TPH1: variants seen among roughly 807,000 people sequenced by gnomAD.
TPH1 encodes the protein tryptophan 5-hydroxylase 1.
A neutral mutation model predicts 49.5 loss-of-function variants in TPH1; 37 were observed. The ratio of observed to expected loss-of-function variants is 0.75; its 90% CI spans 0.58 to 0.98. The LOEUF (loss-of-function observed/expected upper bound fraction) is 0.98. Ranked by LOEUF, TPH1 falls within the 50% of genes least tolerant of loss-of-function variation. The probability of loss-of-function intolerance (pLI) is 0.00; values close to 1 mark genes in which losing one functional copy is unlikely to be tolerated. For missense variants in TPH1, 487 were observed against 523.6 expected (o/e 0.93, Z 0.68); for synonymous variants, 160 against 182.1 (o/e 0.88, Z 0.98).
rs58938212 is a variant in TPH1 at position 18,018,177 on chromosome 11, CA to C, written c.*2813del. 0.41 allele frequency: 60,631 copies of C among 148,116 alleles called. 12,108 individuals are homozygous for C. The highest frequency in any genetic ancestry group is 0.5 in the South Asian group (2,326 of 4,664). 9.2% of individuals were successfully genotyped at this position (148,116 alleles called of 1,614,324 possible). On this transcript the variant is annotated 3_prime_UTR_variant, in exon 11 of 11. Transcript: ENST00000682019. The stretch of plus-strand genomic sequence containing the variant: ...TGGGCAACAGAGTGAGACTCTGTCT[CA>C]AAAAAAAAAAAAAATTATAAACGAA...
At chr11:18,035,355 CTG>C (rs551837534) in intron 3 of TPH1, among the ~76,000 whole-genome samples, 372 of 148,440 alleles carry the variant, frequency 2.5e-3, no homozygotes, top group Non-Finnish European at 3.5e-3. Flanking sequence ...GCCAAATTGT[CTG>C]TCTTTCTTTT....
Position 18,019,827 on chromosome 11 carries a change from C to A in TPH1, c.*1164G>T. ...CATTTATAACAGGACTGCTTACTCC[C>A]TGTGCTACACAGCTGACTCTGCATA... On this transcript the variant is annotated 3_prime_UTR_variant, in exon 11 of 11. Coordinates refer to ENST00000682019, the MANE Select transcript of TPH1 (RefSeq NM_004179.3). The A allele has an allele frequency of 2.3e-6, 1 of 440,750 alleles. No homozygotes were observed. Among genetic ancestry groups the A allele is most frequent in the South Asian group, 1.6e-5 (1 of 61,396 alleles). 27.3% of individuals were successfully genotyped at this position (440,750 alleles called of 1,614,324 possible).
chr11:18,021,229 A>C, intron 10 of TPH1, 64 bp from the exon 11 acceptor site: 2 of 1,501,052 alleles, frequency 1.3e-6, no homozygotes, highest in Non-Finnish European at 1.9e-6. Context: ...AACTAAACAA[A>C]CAACAGAATA....
intron 4 of TPH1, among the ~76,000 whole-genome samples, chr11:18,032,690 C>T (rs1253329273): frequency 1.3e-5 from 2 of 151,270 alleles, no homozygotes; most frequent in South Asian, 4.2e-4. Context: ...GGACTACAGG[C>T]GCCCGCCACC....
intron 8 of TPH1, among the ~76,000 whole-genome samples, chr11:18,024,488 G>C (rs1393130795): frequency 6.6e-6 from 1 of 152,118 alleles, no homozygotes; most frequent in Non-Finnish European, 1.5e-5. Flanking sequence ...TTGAGTACAT[G>C]AGTTACATCA....
In TPH1 at chr11:18,020,584, T is replaced by C; in HGVS notation, c.*407A>G. On this transcript the variant is annotated 3_prime_UTR_variant, in exon 11 of 11. Coordinates refer to ENST00000682019, the MANE Select transcript of TPH1 (RefSeq NM_004179.3). ...GAAATAAGGGGATCTTAGGTAACAATATGAGTCAGCGCCATAATACTCCTC... is the reference window on the plus strand; with the variant it reads ...GAAATAAGGGGATCTTAGGTAACAACATGAGTCAGCGCCATAATACTCCTC... 1 of 179,960 alleles carries C rather than the reference T, an allele frequency of 5.6e-6. No homozygotes were observed. Among genetic ancestry groups the C allele is most frequent in the Non-Finnish European group, 1.2e-5 (1 of 84,020 alleles). The allele number at this position is 179,960 out of a possible 1,614,324, so 11.1% of individuals were successfully genotyped here. A position where few individuals can be genotyped will look rare whatever the true frequency, so the allele number is the denominator to read the frequency against.
intron 3 of TPH1, among the ~76,000 whole-genome samples, chr11:18,035,432 C>CTT (rs112992467): frequency 1.2e-3 from 153 of 131,988 alleles, no homozygotes; most frequent in African/African-American, 1.7e-3. Context: ...TCTTTCCTTT[C>CTT]TTTTTTTTTT....
intron 10 of TPH1, 78 bp from the exon 11 acceptor site, chr11:18,021,243 T>G: frequency 7.0e-7 from 1 of 1,436,066 alleles, no homozygotes; most frequent in Non-Finnish European, 9.8e-7. Flanking sequence ...CAGAATATAT[T>G]TCACATACTA....
intron 1 of TPH1, among the ~76,000 whole-genome samples, chr11:18,043,867 T>TA (rs879676856): frequency 5.0e-4 from 72 of 144,738 alleles, no homozygotes; most frequent in Middle Eastern, 3.5e-3. Context: ...CCCTGTCTCT[T>TA]AAAAAAAAAA....
intron 4 of TPH1, among the ~76,000 whole-genome samples, chr11:18,032,492 G>A (rs1848000202): frequency 6.9e-6 from 1 of 145,604 alleles, no homozygotes; most frequent in Non-Finnish European, 1.5e-5. Context: ...CAGGCAGTTA[G>A]TCTCAATTCC....
chr11:18,022,895 C>G lies in TPH1; in HGVS notation c.1063G>C (p.Asp355His), dbSNP rs1322470496. ...TCCTGTTTGCAGGTAATCTTGGGAT[C>G]AAAGGGCTTTACTTTGGCATGTCCA... ...LSGHAKVKPF[D>H]PKITCKQECL... Residue 355 changes from aspartate to histidine, a missense_variant, in exon 10 of 11, where the codon GAT becomes CAT. Coordinates refer to ENST00000682019, the MANE Select transcript of TPH1 (RefSeq NM_004179.3). 1 of 1,613,558 alleles carries G rather than the reference C, an allele frequency of 6.2e-7. No homozygotes were observed. The highest frequency in any genetic ancestry group is 1.1e-5 in the South Asian group (1 of 91,058).
At chr11:18,025,422 C>A (rs1397562394) in intron 8 of TPH1, among the ~76,000 whole-genome samples, 153 bp downstream of exon 8, 1 of 151,840 alleles carries the variant, frequency 6.6e-6, no homozygotes, top group Non-Finnish European at 1.5e-5. Context: ...TCTCTGTTGC[C>A]CAGGCTGGAG....
chr11:18,020,715 T>C lies in TPH1; in HGVS notation c.*276A>G, dbSNP rs559118610. On this transcript the variant is annotated 3_prime_UTR_variant, in exon 11 of 11. Coordinates refer to ENST00000682019, the MANE Select transcript of TPH1 (RefSeq NM_004179.3). ...TCTATTGGGTCAAACAACTTCTCTATTAAAAATGGGTGGTCAGTGGCTTGT... is the reference window on the plus strand; with the variant it reads ...TCTATTGGGTCAAACAACTTCTCTACTAAAAATGGGTGGTCAGTGGCTTGT... The C allele has an allele frequency of 2.6e-6, 1 of 382,426 alleles. No individual in the cohort carries two copies. Among genetic ancestry groups the C allele is most frequent in the Non-Finnish European group, 4.9e-6 (1 of 203,232 alleles). 23.7% of individuals were successfully genotyped at this position (382,426 alleles called of 1,614,324 possible).
intron 8 of TPH1, among the ~76,000 whole-genome samples, chr11:18,024,315 A>G (rs1854396490): frequency 6.6e-6 from 1 of 152,232 alleles, no homozygotes; most frequent in African/African-American, 2.4e-5. Context: ...AACTCATTTT[A>G]TGGTAACAAA....
chr11:18,021,396 A>G (rs1854360637), intron 10 of TPH1, among the ~76,000 whole-genome samples: 2 of 152,196 alleles, frequency 1.3e-5, no homozygotes, highest in African/African-American at 4.8e-5. Context: ...TTTACATTAT[A>G]AAGTAGTTGT....
chr11:18,029,245 T>C lies in TPH1; in HGVS notation c.587A>G (p.Asn196Ser). Residue 196 changes from asparagine to serine, a missense_variant, in exon 6 of 11, where the codon AAC becomes AGC. Physicochemically the swap from Asn to Ser is conservative, Grantham distance 46 (BLOSUM62 1). Coordinates refer to ENST00000682019, the MANE Select transcript of TPH1 (RefSeq NM_004179.3). ...ACAATATTTAGAAAGCAAAGGTAAG[T>C]TTTTGAGATACTCTCTGCAAGCATG... is the stretch of plus-strand genomic sequence containing the variant. ...PTHACREYLK[N>S]LPLLSKYCGY... 6.2e-7 allele frequency: 1 copy of C among 1,614,076 alleles called. No individual in the cohort carries two copies. The highest frequency in any genetic ancestry group is 8.5e-7 in the Non-Finnish European group (1 of 1,179,944).
Position 18,026,589 on chromosome 11 carries a change from T to C in TPH1, c.704A>G (p.Tyr235Cys). 6.2e-7 allele frequency: 1 copy of C among 1,613,922 alleles called. No individual in the cohort carries two copies. The highest frequency in any genetic ancestry group is 8.5e-7 in the Non-Finnish European group (1 of 1,179,964). Reference protein sequence around the residue: ...TGFSIRPVAGYLSPRDFLSGL... With the variant: ...TGFSIRPVAGCLSPRDFLSGL... Reference sequence around the variant, plus strand: ...TGATAAGAAATCTCTTGGTGATAAGTAACCAGCCACAGGACGGATGGAAAA... The same window carrying C: ...TGATAAGAAATCTCTTGGTGATAAGCAACCAGCCACAGGACGGATGGAAAA... Residue 235 changes from tyrosine to cysteine, a missense_variant, in exon 7 of 11, where the codon TAC becomes TGC. Transcript: ENST00000682019.
At position 18,040,664 on chromosome 11, in the gene TPH1, T is replaced by C. The variant is rs751563061; in HGVS notation, c.99A>G (p.Lys33=). The C allele has an allele frequency of 7.4e-6, 12 of 1,612,016 alleles. No individual in the cohort carries two copies. The South Asian group carries it at 1.1e-4, about 15-fold the overall frequency. ...TGCTTACCTGAAAGATTTTCAGGGC[T>C]TTTATAAGTCCTCCAACTTCATTCT... is the stretch of plus-strand genomic sequence containing the variant. ...SLKNEVGGLI[K]ALKIFQEKHV... The change falls in exon 2 of 11, where the codon AAA becomes AAG. Residue 33 remains lysine, a synonymous_variant. Transcript: ENST00000682019.
intron 1 of TPH1, among the ~76,000 whole-genome samples, chr11:18,045,978 T>C (rs1848137030): frequency 1.3e-5 from 2 of 152,166 alleles, no homozygotes. Flanking sequence ...GAGTTTGTCA[T>C]GAAGGTGAAA....
Sources: gnomAD v4.1 joint callset for allele counts (sites outside exome capture counted in the v4.1 genomes callset) on GRCh38, gnomAD v4.1.1 for gene constraint, MANE v1.5 for transcripts, NCBI Gene and HGNC (gene_info 2026-07-23, HGNC 2026-07-21) for gene names.